The following HTRA1 variants were observed in gnomAD, a reference collection of about 807,000 sequenced individuals.
HTRA1 encodes the protein serine protease HTRA1.
In HTRA1, 26 loss-of-function variants were observed where a neutral mutation model predicts 49.7. The ratio of observed to expected loss-of-function variants is 0.52; its 90% confidence interval spans 0.38 to 0.73. The LOEUF (loss-of-function observed/expected upper bound fraction) is 0.73. HTRA1 is among the 30% of genes least tolerant of loss of function. The probability of loss-of-function intolerance (pLI) is 0.00; values close to 1 mark genes in which losing one functional copy is unlikely to be tolerated. For missense variants in HTRA1, 561 were observed against 667.2 expected (o/e 0.84, Z 1.75); for synonymous variants, 291 against 286.9 (o/e 1.01, Z -0.14).
chr10:122,488,281 C>T (rs975893979), intron 1 of HTRA1, among the ~76,000 whole-genome samples: 1 of 152,052 alleles, frequency 6.6e-6, no homozygotes, highest in African/African-American at 2.4e-5. Flanking sequence ...CAAAAAGGGA[C>T]CCTTGGCTGG....
chr10:122,489,314 G>T, intron 2 of HTRA1, 108 bp from the exon 3 acceptor site: 1 of 1,069,028 alleles, frequency 9.4e-7, no homozygotes, highest in South Asian at 1.3e-5. Flanking sequence ...GATATATAAA[G>T]GAGCGATGGC....
chr10:122,486,864 G>A (rs2268346), intron 1 of HTRA1, among the ~76,000 whole-genome samples: 10,179 of 152,098 alleles, frequency 0.067, 382 homozygotes, highest in African/African-American at 0.087. Context: ...AGGTGTTTAT[G>A]TGACAGTTTG....
At chr10:122,488,751 T>C (rs1243195152) in intron 1 of HTRA1, 151 bp from the exon 2 acceptor site, 1 of 743,450 alleles carries the variant, frequency 1.3e-6, no homozygotes, top group African/African-American at 1.7e-5. Flanking sequence ...GATGGACATT[T>C]GCAGCTGAGC....
chr10:122,480,026 C>A (rs1442711064), intron 1 of HTRA1, among the ~76,000 whole-genome samples: 1 of 152,002 alleles, frequency 6.6e-6, no homozygotes, highest in Non-Finnish European at 1.5e-5. Context: ...GTGACCTTGG[C>A]CTTGAAGATG....
At chr10:122,481,883 A>G (rs559234679) in intron 1 of HTRA1, among the ~76,000 whole-genome samples, 1 of 152,124 alleles carries the variant, frequency 6.6e-6, no homozygotes, top group Non-Finnish European at 1.5e-5. Context: ...AAGACATGAC[A>G]TGCTCCTCCT....
At chr10:122,474,096 C>T (rs2097487364) in intron 1 of HTRA1, among the ~76,000 whole-genome samples, 1 of 152,152 alleles carries the variant, frequency 6.6e-6, no homozygotes, top group Non-Finnish European at 1.5e-5. Flanking sequence ...AGCATTAAAA[C>T]CAAGAATATT....
Position 122,512,044 on chromosome 10 carries a change from T to C in HTRA1, c.1253T>C (p.Ile418Thr), listed in dbSNP as rs1416640000. ...VISGAYIIEV[I>T]PDTPAEAGGL... ...TCAGGAGCGTATATAATTGAAGTAATTCCTGATACCCCAGCAGAAGCGTGA... is the reference window on the plus strand; with the variant it reads ...TCAGGAGCGTATATAATTGAAGTAACTCCTGATACCCCAGCAGAAGCGTGA... Residue 418 changes from isoleucine (I) to threonine (T), a missense_variant, in exon 8 of 9, where the codon ATT (isoleucine) becomes ACT (threonine). By Grantham distance (89) the Ile-to-Thr change is moderately conservative (BLOSUM62 -1). Transcript: ENST00000368984. The C allele has an allele frequency of 1.2e-6, 2 of 1,612,490 alleles. No individual in the cohort carries two copies. The highest frequency in any genetic ancestry group is 3.3e-5 in the Admixed American group (2 of 60,024).
intron 1 of HTRA1, among the ~76,000 whole-genome samples, chr10:122,472,935 G>A (rs1263884266): frequency 1.3e-5 from 2 of 152,258 alleles, no homozygotes; most frequent in South Asian, 2.1e-4. Context: ...TTCCAGAAGG[G>A]TTGTAGCCAT....
At chr10:122,465,599 A>G (rs1565406883) in intron 1 of HTRA1, among the ~76,000 whole-genome samples, 1 of 152,198 alleles carries the variant, frequency 6.6e-6, no homozygotes, top group Non-Finnish European at 1.5e-5. Flanking sequence ...TAGCTGAAAT[A>G]AACAGGGCTC....
intron 3 of HTRA1, among the ~76,000 whole-genome samples, chr10:122,496,223 GGGTTCTTTTTTTTT>G (rs2097498558): frequency 2.6e-5 from 1 of 39,154 alleles, no homozygotes; most frequent in Admixed American, 2.3e-4. Flanking sequence ...CAGAGATTGT[GGGTTCTTTTTTTTT>G]TTTTTTTTTT....
intron 1 of HTRA1, among the ~76,000 whole-genome samples, chr10:122,469,166 A>G (rs117372790): frequency 6.6e-6 from 1 of 152,280 alleles, no homozygotes; most frequent in East Asian, 1.9e-4. Context: ...AACCTCAGGA[A>G]CATCTTTTTC....
At chr10:122,470,247 G>C (rs2097485536) in intron 1 of HTRA1, among the ~76,000 whole-genome samples, 1 of 152,108 alleles carries the variant, frequency 6.6e-6, no homozygotes. Context: ...GAAAACCTGG[G>C]TCCTAGCCCC....
At chr10:122,501,946 C>T (rs1392963209) in intron 3 of HTRA1, among the ~76,000 whole-genome samples, 2 of 136,942 alleles carry the variant, frequency 1.5e-5, no homozygotes, top group East Asian at 2.2e-4. Context: ...ATCTACTCTA[C>T]ATACTCCATT....
At chr10:122,478,564 T>G (rs1462901763) in intron 1 of HTRA1, among the ~76,000 whole-genome samples, 1 of 152,050 alleles carries the variant, frequency 6.6e-6, no homozygotes, top group South Asian at 2.1e-4. Context: ...GGCTAATTTT[T>G]TGTATTTTTA....
chr10:122,505,975 C>A (rs2097502871), intron 3 of HTRA1, among the ~76,000 whole-genome samples: 1 of 152,180 alleles, frequency 6.6e-6, no homozygotes, highest in African/African-American at 2.4e-5. Context: ...CTTTGCCTGG[C>A]CTTTGTGGGA....
intron 3 of HTRA1, among the ~76,000 whole-genome samples, chr10:122,502,883 T>C (rs1301583397): frequency 6.6e-6 from 1 of 152,228 alleles, no homozygotes; most frequent in Non-Finnish European, 1.5e-5. Context: ...GCATTTTCTT[T>C]TCCCCCCAGC....
chr10:122,462,271 G>A (rs1293453876), intron 1 of HTRA1, 147 bp downstream of exon 1: 11 of 743,228 alleles, frequency 1.5e-5, no homozygotes, highest in Non-Finnish European at 2.0e-5. Context: ...GGGCCCCGGG[G>A]TGGCGGATTT....
Position 122,464,978 on chromosome 10 carries a change from T to A in HTRA1, c.472+2854T>A, listed in dbSNP as rs894976034. Among the ~76,000 whole-genome samples, 1 of 152,110 alleles carries A rather than the reference T, an allele frequency of 6.6e-6. No individual in the cohort carries two copies. The highest frequency in any genetic ancestry group is 2.4e-5 in the African/African-American group (1 of 41,404). On this transcript the variant is annotated intron_variant, in intron 1 of 8. Coordinates refer to ENST00000368984, the MANE Select transcript of HTRA1 (RefSeq NM_002775.5). The surrounding 1 kb of genome is among the most constrained non-coding windows in gnomAD (Gnocchi z 4.8). ...GCGATTTCAAATATTATAAGGTGGC[T>A]TTGTCTGGGGCAGAGCATGCCAGGG...
intron 4 of HTRA1, 75 bp from the exon 5 acceptor site, chr10:122,507,295 A>G (rs2097503484): frequency 8.2e-7 from 1 of 1,224,156 alleles, no homozygotes; most frequent in Non-Finnish European, 1.2e-6. Flanking sequence ...GTGCTCAGGA[A>G]ACGACCAGGC....
Sources: gnomAD v4.1 joint callset for allele counts (sites outside exome capture counted in the v4.1 genomes callset) on GRCh38, gnomAD v4.1.1 for gene constraint, Gnocchi (gnomAD v3.1) non-coding constraint, MANE v1.5 for transcripts, NCBI Gene and HGNC (gene_info 2026-07-23, HGNC 2026-07-21) for gene names.